The following THRB variants were observed in gnomAD, a reference collection of about 807,000 sequenced individuals.
THRB encodes nuclear receptor subfamily 1 group A member 2.
Under a neutral mutation model 47.8 loss-of-function variants are expected in THRB, and 12 were observed. The ratio of observed to expected loss-of-function variants is 0.25; its 90% CI spans 0.16 to 0.41. The LOEUF (loss-of-function observed/expected upper bound fraction) is 0.41, where lower values mean the gene tolerates loss of function less well. Ranked by LOEUF, THRB falls within the 10% of genes least tolerant of loss-of-function variation. THRB has a pLI of 1.00. For missense variants in THRB, 348 were observed against 589.2 expected, an observed-to-expected ratio of 0.59 and a Z score of 4.24; for synonymous variants, 218 against 212.2, an observed-to-expected ratio of 1.03 and a Z score of -0.24.
At chr3:24,364,938 T>C (rs1054602581) in intron 1 of THRB, among the ~76,000 whole-genome samples, 1 of 152,174 alleles carries the variant, frequency 6.6e-6, no homozygotes, top group African/African-American at 2.4e-5. Context: ...CATATCTATG[T>C]GTAAATACCT....
chr3:24,301,057 C>A (rs944084280), intron 2 of THRB, among the ~76,000 whole-genome samples: 3 of 152,050 alleles, frequency 2.0e-5, no homozygotes, highest in Non-Finnish European at 4.4e-5. Flanking sequence ...CGGTGAGGGC[C>A]AGGTAAAGAT....
At chr3:24,182,105 G>A (rs959010460) in intron 5 of THRB, among the ~76,000 whole-genome samples, 2 of 152,186 alleles carry the variant, frequency 1.3e-5, no homozygotes, top group African/African-American at 4.8e-5. Context: ...GGAGGCTGAG[G>A]CAGGAGAATG....
chr3:24,161,929 A>G (rs2038909895), intron 5 of THRB, among the ~76,000 whole-genome samples: 2 of 150,584 alleles, frequency 1.3e-5, no homozygotes, highest in Admixed American at 1.3e-4. Context: ...CAAACATGCA[A>G]TTCCTATCAA....
chr3:24,389,080 T>C (rs1027190524), intron 1 of THRB, among the ~76,000 whole-genome samples: 3 of 152,218 alleles, frequency 2.0e-5, no homozygotes, highest in Admixed American at 1.3e-4. Context: ...TGTTTGAAGA[T>C]GTTTTCCTGA....
chr3:24,233,018 G>A (rs1308106005), intron 3 of THRB, among the ~76,000 whole-genome samples: 4 of 152,130 alleles, frequency 2.6e-5, no homozygotes, highest in Non-Finnish European at 4.4e-5. Context: ...CATGCAGGTG[G>A]AGCCTTCCTC....
At chr3:24,327,068 T>C (rs2061645600) in intron 2 of THRB, among the ~76,000 whole-genome samples, 1 of 152,196 alleles carries the variant, frequency 6.6e-6, no homozygotes. Context: ...CTGTCAAAGC[T>C]GTCCATTCTT....
At chr3:24,218,118 A>C (rs369766559) in intron 4 of THRB, among the ~76,000 whole-genome samples, 1 of 151,906 alleles carries the variant, frequency 6.6e-6, no homozygotes, top group Admixed American at 6.6e-5. Context: ...ATACAAAAAA[A>C]CTAGCTGGGC....
intron 1 of THRB, among the ~76,000 whole-genome samples, chr3:24,358,401 T>C (rs369087848): frequency 6.6e-6 from 1 of 152,156 alleles, no homozygotes; most frequent in Admixed American, 6.5e-5. Context: ...GGTACTTTAA[T>C]GGTTTGTTTT....
intron 1 of THRB, among the ~76,000 whole-genome samples, chr3:24,340,941 A>C (rs1352065087): frequency 6.6e-6 from 1 of 151,578 alleles, no homozygotes; most frequent in African/African-American, 2.4e-5. Context: ...TATTGTGTGA[A>C]TTTTCCTCCC....
chr3:24,481,248 T>G lies in THRB; in HGVS notation c.-261+13404A>C, dbSNP rs201266292. On this transcript the variant is annotated intron_variant, in intron 1 of 10. Transcript: ENST00000646209. ...CTTTCTGTTTTTTTTTTTTTTTTTTTTTTTTTTTTACGGAAAAAGAAAACA... is the reference window on the plus strand; with the variant it reads ...CTTTCTGTTTTTTTTTTTTTTTTTTGTTTTTTTTTACGGAAAAAGAAAACA... 5.5e-4 allele frequency among the ~76,000 whole-genome samples: 81 copies of G among 147,830 alleles called. 1 individual carries two copies. Among genetic ancestry groups the G allele is most frequent in the East Asian group, 4.8e-3 (24 of 5,016 alleles).
chr3:24,288,609 A>G (rs2055583961), intron 3 of THRB, among the ~76,000 whole-genome samples: 1 of 152,216 alleles, frequency 6.6e-6, no homozygotes, highest in African/African-American at 2.4e-5. Flanking sequence ...TGTTCCCAGC[A>G]ATGAATAGTC....
At chr3:24,162,209 A>C (rs546898760) in intron 5 of THRB, among the ~76,000 whole-genome samples, 1 of 152,162 alleles carries the variant, frequency 6.6e-6, no homozygotes, top group East Asian at 1.9e-4. Flanking sequence ...GAGAAAAAAA[A>C]GTCAACTTTT....
At chr3:24,148,519 C>A (rs1244007694) in intron 6 of THRB, among the ~76,000 whole-genome samples, 1 of 152,232 alleles carries the variant, frequency 6.6e-6, no homozygotes, top group African/African-American at 2.4e-5. Flanking sequence ...GCCTCCGCCT[C>A]CCAAAGTGCT....
At chr3:24,429,722 G>T (rs1466010958) in intron 1 of THRB, among the ~76,000 whole-genome samples, 5 of 152,028 alleles carry the variant, frequency 3.3e-5, no homozygotes, top group Non-Finnish European at 7.4e-5. Context: ...TGCCCAGGCT[G>T]ATCTTAAACT....
At chr3:24,242,091 C>G (rs2049581341) in intron 3 of THRB, among the ~76,000 whole-genome samples, 1 of 152,190 alleles carries the variant, frequency 6.6e-6, no homozygotes, top group Non-Finnish European at 1.5e-5. Context: ...CTTGGCGTGC[C>G]ACCTCTGAGA....
chr3:24,210,758 C>T (rs2045939789), intron 4 of THRB, among the ~76,000 whole-genome samples: 1 of 152,160 alleles, frequency 6.6e-6, no homozygotes, highest in South Asian at 2.1e-4. Context: ...GTCTGGTTGA[C>T]AGTAAGTAAG....
chr3:24,263,971 C>T (rs114666311), intron 3 of THRB, among the ~76,000 whole-genome samples: 267 of 152,208 alleles, frequency 1.8e-3, no homozygotes, highest in African/African-American at 6.2e-3. Flanking sequence ...GATGTTTTTG[C>T]TCCTGCTTGG....
intron 3 of THRB, among the ~76,000 whole-genome samples, chr3:24,278,297 T>C (rs1164719468): frequency 6.6e-6 from 1 of 152,190 alleles, no homozygotes; most frequent in Non-Finnish European, 1.5e-5. Context: ...TAAAGTATGC[T>C]ATAAAGAAAC....
intron 3 of THRB, among the ~76,000 whole-genome samples, chr3:24,257,034 G>T (rs1394994753): frequency 6.6e-6 from 1 of 152,128 alleles, no homozygotes; most frequent in African/African-American, 2.4e-5. Context: ...TCTCGGTTGT[G>T]ATAGCTGTAA....
Sources: allele counts gnomAD v4.1 joint callset (sites outside exome capture counted in the v4.1 genomes callset), GRCh38; gene constraint gnomAD v4.1.1; transcripts MANE v1.5; gene names NCBI Gene and HGNC (gene_info 2026-07-23, HGNC 2026-07-21).